Variants in SORCS3 observed in about 807,000 individuals in gnomAD.
The protein encoded by SORCS3 is sortilin related VPS10 domain containing receptor 3, also known as VPS10 domain-containing receptor SorCS3.
A neutral mutation model predicts 146.3 loss-of-function variants in SORCS3; 57 were observed. The observed-to-expected ratio is 0.39, with a 90% confidence interval of 0.31 to 0.49. The LOEUF (loss-of-function observed/expected upper bound fraction) is 0.49, where lower values mean the gene tolerates loss of function less well. Ranked by LOEUF, SORCS3 falls within the 20% of genes least tolerant of loss-of-function variation. The probability of loss-of-function intolerance (pLI) is 0.92; values close to 1 mark genes in which losing one functional copy is unlikely to be tolerated. For synonymous variants in SORCS3, 653 were observed against 618.5 expected (o/e 1.06, Z -0.83); for missense variants, 1,341 against 1,575.5 (o/e 0.85, Z 2.52).
At chr10:105,018,292 A>T (rs1229458307) in intron 4 of SORCS3, among the ~76,000 whole-genome samples, 1 of 152,140 alleles carries the variant, frequency 6.6e-6, no homozygotes, top group Non-Finnish European at 1.5e-5. Context: ...GTGGAAAGAG[A>T]GCTCCTTCCT....
At chr10:104,644,136 G>A (rs1408573874) in intron 1 of SORCS3, among the ~76,000 whole-genome samples, 1 of 152,226 alleles carries the variant, frequency 6.6e-6, no homozygotes, top group Non-Finnish European at 1.5e-5. Flanking sequence ...GAGCAGTTGG[G>A]CTTGGAGACC....
At chr10:105,179,883 C>T (rs575390366) in intron 14 of SORCS3, among the ~76,000 whole-genome samples, 5 of 152,120 alleles carry the variant, frequency 3.3e-5, no homozygotes, top group East Asian at 1.9e-4. Flanking sequence ...TTAGCTTTGC[C>T]GTTGAATTGA....
intron 1 of SORCS3, among the ~76,000 whole-genome samples, chr10:104,794,716 C>T (rs2133503001): frequency 6.6e-6 from 1 of 151,622 alleles, no homozygotes; most frequent in Non-Finnish European, 1.5e-5. Flanking sequence ...TCAGTGGAAA[C>T]ATATAGCATA....
At chr10:104,774,514 C>T (rs886133351) in intron 1 of SORCS3, among the ~76,000 whole-genome samples, 3 of 152,104 alleles carry the variant, frequency 2.0e-5, no homozygotes, top group African/African-American at 4.8e-5. Flanking sequence ...GTGGAGAAAA[C>T]GAGGTGGGAA....
At chr10:104,940,416 C>T (rs1466353044) in intron 3 of SORCS3, among the ~76,000 whole-genome samples, 3 of 125,762 alleles carry the variant, frequency 2.4e-5, no homozygotes, top group East Asian at 2.5e-4. Context: ...CAACAGGCCC[C>T]GGTGTGTGAT....
chr10:105,028,576 T>C (rs952753391), intron 4 of SORCS3, among the ~76,000 whole-genome samples: 4 of 152,162 alleles, frequency 2.6e-5, no homozygotes, highest in African/African-American at 9.7e-5. Flanking sequence ...GGCCATGAAA[T>C]CAAACAGCCT....
chr10:104,641,623 G>T lies in SORCS3; in HGVS notation c.296G>T (p.Gly99Val), dbSNP rs1169599008. ...LLPQQGGGRG[G>V]EMQVEAGGTS... is the part of the protein sequence containing the mutation. ...CCCCAGCAGGGCGGCGGCAGAGGCG[G>T]TGAGATGCAGGTGGAAGCCGGAGGG... The change falls in exon 1 of 27, where the codon GGT becomes GTT. Residue 99 changes from glycine to valine, a missense_variant. Transcript: ENST00000369701. This position sits in a 1 kb window ranked among gnomAD's most constrained non-coding sequence, Gnocchi z 6.4. 6.6e-7 allele frequency: 1 copy of T among 1,521,922 alleles called. No homozygotes were observed. Among genetic ancestry groups the T allele is most frequent in the Non-Finnish European group, 8.8e-7 (1 of 1,140,966 alleles). 94.3% of individuals were successfully genotyped at this position (1,521,922 alleles called of 1,614,324 possible). A position where few individuals can be genotyped will look rare whatever the true frequency, so the allele number is the denominator to read the frequency against.
chr10:105,226,367 G>A (rs1316680672), intron 20 of SORCS3, among the ~76,000 whole-genome samples: 5 of 151,902 alleles, frequency 3.3e-5, no homozygotes, highest in African/African-American at 1.2e-4. Context: ...TTATTGGCTT[G>A]TGTATGTTAA....
At chr10:105,090,087 T>A (rs1204198254) in intron 6 of SORCS3, among the ~76,000 whole-genome samples, 1 of 152,208 alleles carries the variant, frequency 6.6e-6, no homozygotes. Context: ...GGCTCCTGTT[T>A]GTAATTTCTT....
At chr10:105,242,401 T>C (rs1564793320) in intron 20 of SORCS3, among the ~76,000 whole-genome samples, 4 of 114,110 alleles carry the variant, frequency 3.5e-5, no homozygotes, top group African/African-American at 1.4e-4. Flanking sequence ...TATATATTTA[T>C]ACATATATTT....
intron 14 of SORCS3, among the ~76,000 whole-genome samples, chr10:105,188,243 T>A (rs1167506168): frequency 2.0e-5 from 3 of 152,204 alleles, no homozygotes; most frequent in Admixed American, 1.3e-4. Flanking sequence ...TATCTACAGA[T>A]TTTTTTAGTT....
At chr10:105,113,894 A>C (rs1162179838) in intron 7 of SORCS3, among the ~76,000 whole-genome samples, 1 of 152,134 alleles carries the variant, frequency 6.6e-6, no homozygotes, top group Non-Finnish European at 1.5e-5. Flanking sequence ...TTCCACTTGG[A>C]TAAAAGAGAA....
intron 1 of SORCS3, among the ~76,000 whole-genome samples, chr10:104,836,367 T>C (rs188615688): frequency 1.5e-4 from 23 of 152,254 alleles, no homozygotes; most frequent in African/African-American, 5.5e-4. Flanking sequence ...AAAATTCTTA[T>C]ACTGTGCTTG....
intron 2 of SORCS3, among the ~76,000 whole-genome samples, chr10:104,876,054 G>A (rs1476107605): frequency 6.6e-6 from 1 of 151,978 alleles, no homozygotes; most frequent in Non-Finnish European, 1.5e-5. Flanking sequence ...AAGGTCAAAT[G>A]CCAATAAAGT....
At chr10:105,116,890 G>A (rs993245274) in intron 7 of SORCS3, among the ~76,000 whole-genome samples, 2 of 152,112 alleles carry the variant, frequency 1.3e-5, no homozygotes, top group Non-Finnish European at 2.9e-5. Context: ...ACTTAAAAGT[G>A]GAGGGTGGGA....
At chr10:105,241,290 C>T (rs1241581856) in intron 20 of SORCS3, among the ~76,000 whole-genome samples, 1 of 152,162 alleles carries the variant, frequency 6.6e-6, no homozygotes, top group Non-Finnish European at 1.5e-5. Flanking sequence ...TGGCCATACA[C>T]TCTGGGTGCT....
intron 1 of SORCS3, among the ~76,000 whole-genome samples, chr10:104,698,498 G>A (rs2016243558): frequency 6.6e-6 from 1 of 152,100 alleles, no homozygotes; most frequent in African/African-American, 2.4e-5. Flanking sequence ...CCTCTTTACT[G>A]CCACACCCGT....
intron 1 of SORCS3, among the ~76,000 whole-genome samples, chr10:104,700,298 A>G (rs983739094): frequency 2.0e-4 from 31 of 152,336 alleles, no homozygotes; most frequent in African/African-American, 7.5e-4. Context: ...AGCTTCAGTC[A>G]TGGCTGGAGC....
At chr10:105,041,250 A>G (rs1479348067) in intron 4 of SORCS3, among the ~76,000 whole-genome samples, 6 of 149,074 alleles carry the variant, frequency 4.0e-5, no homozygotes, top group African/African-American at 1.5e-4. Flanking sequence ...ATCATAGACC[A>G]ATTGGGATCT....
Sources: allele counts gnomAD v4.1 joint callset (sites outside exome capture counted in the v4.1 genomes callset), GRCh38; gene constraint gnomAD v4.1.1; non-coding constraint Gnocchi (gnomAD v3.1); transcripts MANE v1.5; gene names NCBI Gene and HGNC (gene_info 2026-07-23, HGNC 2026-07-21).